DENND1A: variants seen among roughly 807,000 people sequenced by gnomAD.
DENND1A encodes the protein DENN domain-containing protein 1A.
In DENND1A, 51 loss-of-function variants were observed where a neutral mutation model predicts 113.7. The ratio of observed to expected loss-of-function variants is 0.45; its 90% CI spans 0.36 to 0.57. The LOEUF (loss-of-function observed/expected upper bound fraction) is 0.57. Among genes scored for constraint, DENND1A ranks in the 20% least tolerant of loss-of-function variants. The pLI, the probability that DENND1A is intolerant of heterozygous loss-of-function variation, is 0.00. For synonymous variants in DENND1A, 565 were observed against 570.8 expected (o/e 0.99, Z 0.14); for missense variants, 1,258 against 1,395.9 (o/e 0.90, Z 1.57).
intron 5 of DENND1A, among the ~76,000 whole-genome samples, chr9:123,750,082 C>T (rs916972365): frequency 2.6e-5 from 4 of 152,198 alleles, no homozygotes; most frequent in Admixed American, 6.5e-5. Flanking sequence ...AGGCTGGCTG[C>T]TTGTTCCAGC....
At chr9:123,872,727 A>C (rs901098220) in intron 2 of DENND1A, among the ~76,000 whole-genome samples, 5 of 152,202 alleles carry the variant, frequency 3.3e-5, no homozygotes, top group Non-Finnish European at 7.4e-5. Context: ...AGTATGCACT[A>C]AATAACAAGA....
chr9:123,766,858 T>C (rs545887502), intron 4 of DENND1A, among the ~76,000 whole-genome samples: 31 of 152,340 alleles, frequency 2.0e-4, no homozygotes, highest in Non-Finnish European at 3.1e-4. Context: ...GACAGCAAGA[T>C]GTCAATGTTA....
At chr9:123,893,137 T>C (rs1331717738) in intron 1 of DENND1A, among the ~76,000 whole-genome samples, 3 of 151,054 alleles carry the variant, frequency 2.0e-5, no homozygotes, top group African/African-American at 7.3e-5. Flanking sequence ...TCAAAGAGCA[T>C]TGTACAAACA....
chr9:123,595,396 T>G (rs556151630), intron 11 of DENND1A, among the ~76,000 whole-genome samples: 12 of 152,266 alleles, frequency 7.9e-5, no homozygotes, highest in African/African-American at 2.9e-4. Flanking sequence ...GAGCCGTCAT[T>G]CATGTCAACT....
chr9:123,418,158 A>G (rs2044902728), intron 19 of DENND1A, among the ~76,000 whole-genome samples: 1 of 152,158 alleles, frequency 6.6e-6, no homozygotes, highest in South Asian at 2.1e-4. Context: ...GCTCCTAGGA[A>G]CAGACACTCC....
chr9:123,918,118 AAAAT>A (rs1257711344), intron 1 of DENND1A, among the ~76,000 whole-genome samples: 4 of 150,882 alleles, frequency 2.7e-5, no homozygotes, highest in Non-Finnish European at 3.0e-5. Context: ...TGTCTCAAAA[AAAAT>A]AAATAAATAA....
chr9:123,619,400 A>G (rs1358580816), intron 10 of DENND1A, among the ~76,000 whole-genome samples: 1 of 151,792 alleles, frequency 6.6e-6, no homozygotes, highest in Non-Finnish European at 1.5e-5. Context: ...TGATCTGTAT[A>G]CATACATTGA....
chr9:123,556,464 A>T (rs560869957), intron 13 of DENND1A, among the ~76,000 whole-genome samples: 1 of 152,362 alleles, frequency 6.6e-6, no homozygotes, highest in East Asian at 1.9e-4. Flanking sequence ...CTTACAAGGA[A>T]GCGTGACCCC....
At chr9:123,639,793 A>AG (rs926578005) in intron 9 of DENND1A, among the ~76,000 whole-genome samples, 1 of 150,062 alleles carries the variant, frequency 6.7e-6, no homozygotes, top group African/African-American at 2.5e-5. Context: ...AAAAAAAAAA[A>AG]AAAACAAAAA....
intron 1 of DENND1A, among the ~76,000 whole-genome samples, chr9:123,900,581 G>A (rs929259561): frequency 6.6e-6 from 1 of 152,206 alleles, no homozygotes; most frequent in African/African-American, 2.4e-5. Flanking sequence ...TGATTAAGGT[G>A]AGAGGTGAGG....
In DENND1A at chr9:123,436,908, C is replaced by T. The variant is rs201255516; in HGVS notation, c.1488+3452G>A. 5.3e-5 allele frequency among the ~76,000 whole-genome samples: 8 copies of T among 152,218 alleles called. No individual in the cohort carries two copies. The East Asian group carries it at 1.2e-3, about 22-fold the overall frequency. On this transcript the variant is annotated intron_variant, in intron 19 of 23. Transcript: ENST00000394215. ...GATTACAGGTGCCTGCCATGACACC[C>T]GGCCAATTTTTGTATTTTTAGTAGA...
At chr9:123,826,354 G>A (rs1839327170) in intron 2 of DENND1A, among the ~76,000 whole-genome samples, 1 of 152,022 alleles carries the variant, frequency 6.6e-6, no homozygotes, top group African/African-American at 2.4e-5. Context: ...AATGAACTGT[G>A]ATCACTCCAC....
At chr9:123,805,534 A>C (rs1835396677) in intron 2 of DENND1A, among the ~76,000 whole-genome samples, 2 of 151,994 alleles carry the variant, frequency 1.3e-5, no homozygotes, top group Non-Finnish European at 2.9e-5. Context: ...CCTGGGTTCA[A>C]GCGATTATCC....
At chr9:123,428,236 G>T (rs574164430) in intron 19 of DENND1A, among the ~76,000 whole-genome samples, 1 of 152,130 alleles carries the variant, frequency 6.6e-6, no homozygotes, top group Non-Finnish European at 1.5e-5. Context: ...AGGAAGCAAG[G>T]GTGGTTCAAC....
At chr9:123,584,237 T>A (rs532480254) in intron 11 of DENND1A, among the ~76,000 whole-genome samples, 2 of 152,370 alleles carry the variant, frequency 1.3e-5, no homozygotes, top group Admixed American at 1.3e-4. Flanking sequence ...TAAACTGGGA[T>A]ACATTTGGAT....
intron 8 of DENND1A, among the ~76,000 whole-genome samples, chr9:123,660,147 C>T (rs935205001): frequency 1.4e-4 from 22 of 152,224 alleles, no homozygotes; most frequent in African/African-American, 4.8e-4. Context: ...CACCTCAGCT[C>T]TGTGAGCTCT....
chr9:123,534,004 G>A (rs563373536), intron 13 of DENND1A, among the ~76,000 whole-genome samples: 2 of 152,162 alleles, frequency 1.3e-5, no homozygotes, highest in Non-Finnish European at 2.9e-5. Flanking sequence ...TGAAAGACAA[G>A]ATTTGGAAAT....
At chr9:123,928,472 C>A (rs896500857) in intron 1 of DENND1A, 1 of 801,404 alleles carries the variant, frequency 1.2e-6, no homozygotes, top group Admixed American at 6.2e-5. Context: ...GTTTCACAAA[C>A]GACATCTTTT....
chr9:123,696,814 C>T (rs993778258), intron 5 of DENND1A, among the ~76,000 whole-genome samples: 1 of 152,114 alleles, frequency 6.6e-6, no homozygotes, highest in African/African-American at 2.4e-5. Context: ...AGAGCGTGTT[C>T]CTTTCTAAAT....
Sources: gnomAD v4.1 joint callset for allele counts (sites outside exome capture counted in the v4.1 genomes callset) on GRCh38, gnomAD v4.1.1 for gene constraint, MANE v1.5 for transcripts, NCBI Gene and HGNC (gene_info 2026-07-23, HGNC 2026-07-21) for gene names.